The following OPA1 variants were observed in gnomAD, a reference collection of about 807,000 sequenced individuals.
OPA1 encodes the protein dynamin-like GTPase OPA1, mitochondrial.
OPA1 carries 59 observed loss-of-function variants against 152.9 expected under a neutral mutation model. The ratio of observed to expected loss-of-function variants is 0.39; its 90% confidence interval spans 0.31 to 0.48. OPA1 has a LOEUF of 0.48. Ranked by LOEUF, OPA1 falls within the 20% of genes least tolerant of loss-of-function variation. The pLI is 0.96. For synonymous variants in OPA1, 400 were observed against 389.9 expected (o/e 1.03, Z -0.31); for missense variants, 1,008 against 1,216.8 (o/e 0.83, Z 2.55).
chr3:193,603,505 C>G (rs1241028908), intron 1 of OPA1: 1 of 152,220 alleles, frequency 6.6e-6, no homozygotes, highest in Non-Finnish European at 1.5e-5. Context: ...AACAGGATAG[C>G]AGAAAGGAGC....
intron 21 of OPA1, among the ~76,000 whole-genome samples, chr3:193,653,442 A>C (rs1560389509): frequency 1.3e-5 from 2 of 152,082 alleles, no homozygotes; most frequent in Non-Finnish European, 2.9e-5. Flanking sequence ...TAAAGGGTTG[A>C]GATTATTCTT....
intron 21 of OPA1, 107 bp downstream of exon 21, chr3:193,648,978 C>T: frequency 6.1e-6 from 5 of 823,240 alleles, no homozygotes; most frequent in South Asian, 2.9e-5. Context: ...TGCCTTGGCT[C>T]ATAGGCAAAA....
intron 6 of OPA1, among the ~76,000 whole-genome samples, chr3:193,622,338 C>A (rs956148894): frequency 6.8e-6 from 1 of 146,520 alleles, no homozygotes; most frequent in Non-Finnish European, 1.5e-5. Flanking sequence ...AAGCGATTCT[C>A]CTGCCTCAGC....
chr3:193,642,888 C>T (rs565321353), intron 12 of OPA1, 43 bp downstream of exon 12: 1 of 1,546,876 alleles, frequency 6.5e-7, no homozygotes, highest in Non-Finnish European at 8.9e-7. Context: ...AATTTTATAA[C>T]CTGGATGAGC....
At chr3:193,657,640 G>T (rs1714176995) in intron 23 of OPA1, among the ~76,000 whole-genome samples, 1 of 152,166 alleles carries the variant, frequency 6.6e-6, no homozygotes, top group African/African-American at 2.4e-5. Context: ...CAGCTACCAT[G>T]TATTGAATGC....
rs1711582135 is a variant in OPA1, at chr3:193,648,482, AAC to A, written c.1936-309_1936-308del. 1.1e-5 allele frequency: 4 copies of A among 369,038 alleles called. No homozygotes were observed. In the Admixed American group the frequency reaches 1.3e-4, roughly 12 times the overall value. The allele number at this position is 369,038 out of a possible 1,614,324, so 22.9% of individuals were successfully genotyped here. A position where few individuals can be genotyped will look rare whatever the true frequency, so the allele number is the denominator to read the frequency against. ...TTTTAAAATCCCCATTAGTTAATAAAACACAGCATTAATATATAGTTACTGAT... is the reference window on the plus strand; with the variant it reads ...TTTTAAAATCCCCATTAGTTAATAAAACAGCATTAATATATAGTTACTGAT... On this transcript the variant is annotated intron_variant, in intron 20 of 30. Transcript: ENST00000361510.
Position 193,593,233 on chromosome 3 carries a change from A to T in OPA1, c.-145A>T, listed in dbSNP as rs550162557. On this transcript the variant is annotated 5_prime_UTR_variant, in exon 1 of 31. Transcript: ENST00000361510. ...AGGCTCTTGCGGAAGTCCATGCGCCATTGGGAGGGCCTCGGCCGCGGCTCT... is the reference window on the plus strand; with the variant it reads ...AGGCTCTTGCGGAAGTCCATGCGCCTTTGGGAGGGCCTCGGCCGCGGCTCT... 1.3e-4 allele frequency: 87 copies of T among 692,588 alleles called. No individual in the cohort carries two copies. In the South Asian group the frequency reaches 1.6e-3, roughly 12 times the overall value. 42.9% of individuals were successfully genotyped at this position (692,588 alleles called of 1,614,324 possible).
chr3:193,674,074 T>A (rs1718493575), intron 29 of OPA1, among the ~76,000 whole-genome samples: 1 of 152,242 alleles, frequency 6.6e-6, no homozygotes, highest in African/African-American at 2.4e-5. Context: ...CTCTGTTGAC[T>A]GTTCTTTATT....
rs1252752989 is a variant in OPA1 at position 193,646,920 on chromosome 3, C to A, written c.1755-145C>A. The A allele has an allele frequency of 5.0e-6, 3 of 604,052 alleles. No homozygotes were observed. In the African/African-American group the frequency reaches 5.6e-5, roughly 11 times the overall value. 37.4% of individuals were successfully genotyped at this position (604,052 alleles called of 1,614,324 possible). ...AGTAGCTACCGTATTGGAATGTTTT[C>A]CTCCTCACATAAATTTTTATTGAAC... On this transcript the variant is annotated intron_variant, in intron 18 of 30. Coordinates refer to ENST00000361510, the MANE Select transcript of OPA1 (RefSeq NM_130837.3).
intron 1 of OPA1, 115 bp from the exon 2 acceptor site, chr3:193,614,608 A>G (rs1728735459): frequency 1.3e-6 from 1 of 795,288 alleles, no homozygotes; most frequent in Non-Finnish European, 2.3e-6. Flanking sequence ...ATTGTGTGAC[A>G]TTGTGGTTAG....
Position 193,667,302 on chromosome 3 carries a change from C to T in OPA1, c.2983+22C>T, listed in dbSNP as rs186291867. On this transcript the variant is annotated intron_variant, in intron 29 of 30. Transcript: ENST00000361510. Reference sequence around the variant, plus strand: ...CTCAGTGAGTAGTTCTTACTGCCCTCTACCTTACTACCTTTCCACCTTTCC... The same window carrying T: ...CTCAGTGAGTAGTTCTTACTGCCCTTTACCTTACTACCTTTCCACCTTTCC... The T allele has an allele frequency of 1.7e-5, 16 of 963,050 alleles. 1 individual carries two copies. In the African/African-American group the frequency reaches 2.4e-4, roughly 14 times the overall value. The allele number at this position is 963,050 out of a possible 1,614,324, so 59.7% of individuals were successfully genotyped here. A position where few individuals can be genotyped will look rare whatever the true frequency, so the allele number is the denominator to read the frequency against.
chr3:193,661,472 G>C lies in OPA1; in HGVS notation c.2521-1350G>C, dbSNP rs141009412. Among the ~76,000 whole-genome samples, 837 of 152,246 alleles carry C rather than the reference G, an allele frequency of 5.5e-3. 10 individuals are homozygous for C. The highest frequency in any genetic ancestry group is 0.019 in the African/African-American group (783 of 41,532). On this transcript the variant is annotated intron_variant, in intron 25 of 30. Transcript: ENST00000361510. Reference sequence around the variant, plus strand: ...ACAAGTGTTTTCAACCTCATACCTGGAGGTTACAGTGAGACATGGATTCTA... The same window carrying C: ...ACAAGTGTTTTCAACCTCATACCTGCAGGTTACAGTGAGACATGGATTCTA...
At chr3:193,634,117 A>G (rs751581667) in intron 8 of OPA1, among the ~76,000 whole-genome samples, 15 of 152,094 alleles carry the variant, frequency 9.9e-5, no homozygotes, top group African/African-American at 1.7e-4. Flanking sequence ...TATAAAAGGC[A>G]TATTATAAGT....
At chr3:193,658,500 A>G (rs1714462719) in intron 23 of OPA1, among the ~76,000 whole-genome samples, 1 of 152,180 alleles carries the variant, frequency 6.6e-6, no homozygotes, top group Non-Finnish European at 1.5e-5. Flanking sequence ...TGAAAAGGCT[A>G]ACATGTAGGT....
At chr3:193,662,993 G>C in intron 26 of OPA1, 31 bp downstream of exon 26, 1 of 1,608,912 alleles carries the variant, frequency 6.2e-7, no homozygotes, top group Non-Finnish European at 8.5e-7. Context: ...GCAGGAATCT[G>C]CTTCCTTAAT....
chr3:193,614,858 G>C lies in OPA1; in HGVS notation c.168G>C (p.Arg56Ser). The change falls in exon 2 of 31, where the codon AGG (arginine) becomes AGC (serine). Residue 56 changes from arginine (R) to serine (S), a missense_variant. Coordinates refer to ENST00000361510, the MANE Select transcript of OPA1 (RefSeq NM_130837.3). ...PTLKLQRPQL[R>S]TSFQQFSSLT... Reference sequence around the variant, plus strand: ...TAAAGCTTCAACGACCCCAATTAAGGACATCCTTTCAGCAGTTCTCTTCTC... The same window carrying C: ...TAAAGCTTCAACGACCCCAATTAAGCACATCCTTTCAGCAGTTCTCTTCTC... The C allele has an allele frequency of 6.2e-7, 1 of 1,614,022 alleles. No individual in the cohort carries two copies. The highest frequency in any genetic ancestry group is 2.2e-5 in the East Asian group (1 of 44,874).
At chr3:193,633,218 C>G (rs1732385715) in intron 8 of OPA1, among the ~76,000 whole-genome samples, 1 of 152,138 alleles carries the variant, frequency 6.6e-6, no homozygotes, top group Non-Finnish European at 1.5e-5. Context: ...CATTCTTGAC[C>G]CCATCCCATA....
chr3:193,641,006 C>T (rs1366376146), intron 11 of OPA1, among the ~76,000 whole-genome samples: 2 of 152,104 alleles, frequency 1.3e-5, no homozygotes, highest in African/African-American at 4.8e-5. Flanking sequence ...CTGTACCAGA[C>T]TTTACATATC....
chr3:193,682,528 C>T (rs757134906), intron 29 of OPA1, among the ~76,000 whole-genome samples: 3 of 152,070 alleles, frequency 2.0e-5, no homozygotes, highest in Non-Finnish European at 2.9e-5. Context: ...TGCCCAGCTT[C>T]GAGGCTTCGA....
Sources: gnomAD v4.1 joint callset for allele counts (sites outside exome capture counted in the v4.1 genomes callset) on GRCh38, gnomAD v4.1.1 for gene constraint, MANE v1.5 for transcripts, NCBI Gene and HGNC (gene_info 2026-07-23, HGNC 2026-07-21) for gene names.